Variants in CADM1 observed in about 807,000 individuals in gnomAD.
The protein encoded by CADM1 is TSLC-1.
CADM1 carries 15 observed loss-of-function variants against 53.1 expected under a neutral mutation model. That is an observed-to-expected ratio of 0.28 (90% CI 0.19 to 0.44). The LOEUF is 0.44. Among genes scored for constraint, CADM1 ranks in the 20% least tolerant of loss-of-function variants. The pLI, the probability that CADM1 is intolerant of heterozygous loss-of-function variation, is 1.00. For synonymous variants in CADM1, 281 were observed against 243.0 expected (o/e 1.16, Z -1.45); for missense variants, 434 against 611.3 (o/e 0.71, Z 3.06).
intron 1 of CADM1, among the ~76,000 whole-genome samples, chr11:115,500,006 T>C (rs1386918625): frequency 6.6e-6 from 1 of 152,126 alleles, no homozygotes; most frequent in Non-Finnish European, 1.5e-5. Flanking sequence ...CACACACTGA[T>C]ACCATTAGGT....
intron 1 of CADM1, among the ~76,000 whole-genome samples, chr11:115,376,680 G>C (rs767334769): frequency 2.6e-5 from 4 of 152,200 alleles, no homozygotes; most frequent in Non-Finnish European, 4.4e-5. Context: ...AGAGAATCGT[G>C]TCACGTGGTA....
At chr11:115,329,210 T>C (rs909108181) in intron 1 of CADM1, among the ~76,000 whole-genome samples, 1 of 152,130 alleles carries the variant, frequency 6.6e-6, no homozygotes, top group Non-Finnish European at 1.5e-5. Context: ...TGATTAATAA[T>C]TAGAAAGTGT....
intron 1 of CADM1, among the ~76,000 whole-genome samples, chr11:115,274,735 T>C (rs1943397216): frequency 6.6e-6 from 1 of 152,216 alleles, no homozygotes; most frequent in Non-Finnish European, 1.5e-5. Context: ...ATATCTTTCT[T>C]TACAGGCTGG....
At chr11:115,428,394 G>A (rs889523685) in intron 1 of CADM1, among the ~76,000 whole-genome samples, 7 of 151,916 alleles carry the variant, frequency 4.6e-5, no homozygotes, top group Non-Finnish European at 1.0e-4. Context: ...GCCATGGGAG[G>A]AAATATATAA....
At chr11:115,426,423 G>T (rs976319083) in intron 1 of CADM1, among the ~76,000 whole-genome samples, 1 of 152,282 alleles carries the variant, frequency 6.6e-6, no homozygotes, top group East Asian at 1.9e-4. Context: ...GAGGGTAGGG[G>T]AAGTGGGGTG....
At chr11:115,313,235 T>C (rs973069270) in intron 1 of CADM1, among the ~76,000 whole-genome samples, 2 of 152,156 alleles carry the variant, frequency 1.3e-5, no homozygotes, top group Non-Finnish European at 2.9e-5. Context: ...ACATACAATA[T>C]CTTCCCAAAT....
intron 1 of CADM1, among the ~76,000 whole-genome samples, chr11:115,289,817 G>C (rs941738622): frequency 6.6e-6 from 1 of 151,888 alleles, no homozygotes; most frequent in South Asian, 2.1e-4. Flanking sequence ...GGATGGTCTT[G>C]ATCTCCTGAC....
At chr11:115,310,312 C>T (rs183108709) in intron 1 of CADM1, among the ~76,000 whole-genome samples, 9 of 151,970 alleles carry the variant, frequency 5.9e-5, no homozygotes, top group African/African-American at 2.2e-4. Flanking sequence ...TAATAGAGTA[C>T]CTGCCTTCTT....
At chr11:115,250,155 A>G (rs186582492) in intron 1 of CADM1, among the ~76,000 whole-genome samples, 173 of 152,250 alleles carry the variant, frequency 1.1e-3, no homozygotes, top group African/African-American at 2.9e-3. Context: ...TGCCTGCCTC[A>G]GCCTCGCAAA....
chr11:115,401,337 G>A (rs939582604), intron 1 of CADM1, among the ~76,000 whole-genome samples: 13 of 151,796 alleles, frequency 8.6e-5, no homozygotes, highest in Admixed American at 3.9e-4. Flanking sequence ...GGCCAGGCGC[G>A]GTGGCCCACG....
intron 1 of CADM1, among the ~76,000 whole-genome samples, chr11:115,426,693 C>T (rs561943550): frequency 3.5e-4 from 54 of 152,188 alleles, no homozygotes; most frequent in Middle Eastern, 3.4e-3. Context: ...TCTTCACCCA[C>T]CCTCCCCTGC....
chr11:115,298,621 A>G (rs1245814255), intron 1 of CADM1, among the ~76,000 whole-genome samples: 1 of 152,214 alleles, frequency 6.6e-6, no homozygotes, highest in African/African-American at 2.4e-5. Flanking sequence ...ATATGATGAC[A>G]TTTTACCAGC....
intron 1 of CADM1, among the ~76,000 whole-genome samples, chr11:115,336,718 G>A (rs1945276760): frequency 6.6e-6 from 1 of 152,034 alleles, no homozygotes; most frequent in Admixed American, 6.6e-5. Flanking sequence ...TTCACAGCCA[G>A]AATTAGAAGC....
At chr11:115,263,690 C>A (rs1382398159) in intron 1 of CADM1, among the ~76,000 whole-genome samples, 1 of 152,034 alleles carries the variant, frequency 6.6e-6, no homozygotes, top group East Asian at 1.9e-4. Flanking sequence ...CACCTTTGAC[C>A]ATTGCGAGTT....
chr11:115,340,658 A>ATATATATATAT (rs60532835), intron 1 of CADM1, among the ~76,000 whole-genome samples: 7 of 34,942 alleles, frequency 2.0e-4, no homozygotes, highest in Admixed American at 1.1e-3. Context: ...ATATATATAT[A>ATATATATATAT]TTTTTTTTTT....
At chr11:115,422,928 G>T (rs1947794799) in intron 1 of CADM1, among the ~76,000 whole-genome samples, 1 of 151,884 alleles carries the variant, frequency 6.6e-6, no homozygotes, top group South Asian at 2.1e-4. Context: ...CAGTTTAACT[G>T]TTTTTAAAAT....
chr11:115,229,010 C>T, intron 5 of CADM1, 103 bp downstream of exon 5: 4 of 1,044,844 alleles, frequency 3.8e-6, no homozygotes, highest in Non-Finnish European at 5.9e-6. Context: ...AATAAGAATT[C>T]TATGTATACT....
In CADM1 at chr11:115,227,240, G is replaced by A. The variant is rs145837842; in HGVS notation, c.721+1873C>T. On this transcript the variant is annotated intron_variant, in intron 5 of 11. Coordinates refer to ENST00000331581, the MANE Select transcript of CADM1 (RefSeq NM_001301043.2). ...TACTTTGTTAGATTGAAGTCAAATGGATTCAGATGTGGAGCCTTATTCCTT... is the reference window on the plus strand; with the variant it reads ...TACTTTGTTAGATTGAAGTCAAATGAATTCAGATGTGGAGCCTTATTCCTT... Among the ~76,000 whole-genome samples, 669 of 152,280 alleles carry A rather than the reference G, an allele frequency of 4.4e-3. 2 individuals carry two copies. The highest frequency in any genetic ancestry group is 7.5e-3 in the Admixed American group (115 of 15,296).
At chr11:115,467,314 T>C (rs1295155682) in intron 1 of CADM1, among the ~76,000 whole-genome samples, 1 of 152,176 alleles carries the variant, frequency 6.6e-6, no homozygotes, top group Non-Finnish European at 1.5e-5. Context: ...ACACAAAAAC[T>C]GCCAATCATG....
Sources: gnomAD v4.1 joint callset for allele counts (sites outside exome capture counted in the v4.1 genomes callset) on GRCh38, gnomAD v4.1.1 for gene constraint, MANE v1.5 for transcripts, NCBI Gene and HGNC (gene_info 2026-07-23, HGNC 2026-07-21) for gene names.